PDS5A: variants seen among roughly 807,000 people sequenced by gnomAD.
PDS5A encodes PDS5 cohesin associated factor A.
PDS5A carries 42 observed loss-of-function variants against 167.1 expected under a neutral mutation model. That is an observed-to-expected ratio of 0.25 (90% CI 0.20 to 0.33). PDS5A has a LOEUF of 0.33. Ranked by LOEUF, PDS5A falls within the 10% of genes least tolerant of loss-of-function variation. The pLI is 1.00. For synonymous variants in PDS5A, 553 were observed against 554.6 expected (o/e 1.00, Z 0.04); for missense variants, 1,033 against 1,605.9 (o/e 0.64, Z 6.10).
chr4:39,825,574 T>C, intron 32 of PDS5A, 86 bp from the exon 33 acceptor site: 1 of 1,036,326 alleles, frequency 9.6e-7, no homozygotes, highest in Non-Finnish European at 1.4e-6. Context: ...CCATAGTTGT[T>C]ATCTAAAATC....
chr4:39,861,743 T>C (rs1719021257), intron 26 of PDS5A, among the ~76,000 whole-genome samples: 1 of 152,336 alleles, frequency 6.6e-6, no homozygotes, highest in South Asian at 2.1e-4. Context: ...ACACATTGTA[T>C]GCATGTACCA....
At chr4:39,930,246 A>AAAAAAAAAAAAAAAAAAAAAATTTTT in intron 2 of PDS5A, among the ~76,000 whole-genome samples, 1 of 93,090 alleles carries the variant, frequency 1.1e-5, no homozygotes, top group Non-Finnish European at 2.2e-5. Flanking sequence ...AAAAAAAAAA[A>AAAAAAAAAAAAAAAAAAAAAATTTTT]GTTTTTTTGT....
intron 2 of PDS5A, among the ~76,000 whole-genome samples, chr4:39,928,866 G>A (rs1725705735): frequency 6.7e-6 from 1 of 148,390 alleles, no homozygotes; most frequent in East Asian, 2.0e-4. Flanking sequence ...TATTAATGCA[G>A]TTGTATTTCT....
chr4:39,933,583 TTAAAA>T (rs1461952892), intron 2 of PDS5A: 3 of 151,898 alleles, frequency 2.0e-5, no homozygotes, highest in South Asian at 2.1e-4. Context: ...TGTTATTAAA[TTAAAA>T]TAAACTGTTT....
At chr4:39,952,235 G>T (rs1728475590) in intron 2 of PDS5A, among the ~76,000 whole-genome samples, 1 of 152,192 alleles carries the variant, frequency 6.6e-6, no homozygotes, top group South Asian at 2.1e-4. Flanking sequence ...GGAGGCCGAG[G>T]CAGGAGAACT....
chr4:39,838,262 C>G (rs1716618384), intron 31 of PDS5A, 54 bp from the exon 32 acceptor site: 2 of 1,222,730 alleles, frequency 1.6e-6, no homozygotes, highest in East Asian at 2.5e-5. Context: ...TATTAATGAT[C>G]TCTATTAGAA....
chr4:39,924,085 G>GC (rs1337005595), intron 5 of PDS5A, among the ~76,000 whole-genome samples: 6 of 152,128 alleles, frequency 3.9e-5, no homozygotes, highest in African/African-American at 1.2e-4. Flanking sequence ...AATGAGGCCT[G>GC]CCCTTTCTTG....
intron 27 of PDS5A, 50 bp downstream of exon 27, chr4:39,849,470 T>C (rs774165079): frequency 6.4e-6 from 5 of 785,022 alleles, no homozygotes; most frequent in Admixed American, 2.5e-5. Context: ...AGTGGGACAA[T>C]ATATTTTTCT....
At position 39,849,437 on chromosome 4, in the gene PDS5A, CCAA is replaced by C; in HGVS notation, c.3219+80_3219+82del. 52 of 537,288 alleles carry C rather than the reference CCAA, an allele frequency of 9.7e-5. No homozygotes were observed. In the African/African-American group the frequency reaches 1.4e-3, roughly 14 times the overall value. 33.3% of individuals were successfully genotyped at this position (537,288 alleles called of 1,614,324 possible). A position where few individuals can be genotyped will look rare whatever the true frequency, so the allele number is the denominator to read the frequency against. ...CTAAAATTTAAATTACTACGTATGG[CCAA>C]AAAAAAAAAAAAAAAACCAAGTGGG... On this transcript the variant is annotated intron_variant, in intron 27 of 32. Transcript: ENST00000303538.
chr4:39,865,825 T>C (rs1719396823), intron 23 of PDS5A, among the ~76,000 whole-genome samples: 1 of 152,180 alleles, frequency 6.6e-6, no homozygotes, highest in African/African-American at 2.4e-5. Context: ...TAAACCTCTG[T>C]CCTCTAAAAC....
At chr4:39,912,013 AT>A (rs2109686531) in intron 9 of PDS5A, among the ~76,000 whole-genome samples, 1 of 152,252 alleles carries the variant, frequency 6.6e-6, no homozygotes, top group African/African-American at 2.4e-5. Context: ...GTAAACAAAA[AT>A]TGTTTAATAA....
chr4:39,951,296 T>C (rs1728329256), intron 2 of PDS5A, among the ~76,000 whole-genome samples: 1 of 152,182 alleles, frequency 6.6e-6, no homozygotes, highest in Admixed American at 6.6e-5. Flanking sequence ...TATTTAGAGA[T>C]GATAATTGCC....
intron 17 of PDS5A, among the ~76,000 whole-genome samples, chr4:39,882,324 T>A (rs1442325557): frequency 6.6e-6 from 1 of 152,212 alleles, no homozygotes; most frequent in Non-Finnish European, 1.5e-5. Context: ...CTGGATATAA[T>A]CCTTTACCAA....
intron 2 of PDS5A, chr4:39,932,341 G>C (rs1403689597): frequency 1.3e-5 from 2 of 153,124 alleles, no homozygotes; most frequent in African/African-American, 4.8e-5. Flanking sequence ...AACAGAGGCT[G>C]TGTATACCAC....
rs199550178 is a variant in PDS5A, at chr4:39,839,225, CTG to C, written c.3658-1019_3658-1018del. Among the ~76,000 whole-genome samples the C allele has an allele frequency of 4.4e-3, 669 of 152,180 alleles. 8 individuals are homozygous for C. Among genetic ancestry groups the C allele is most frequent in the African/African-American group, 0.015 (633 of 41,482 alleles). On this transcript the variant is annotated intron_variant, in intron 31 of 32. Transcript: ENST00000303538. ...CTTGTTACCTGAATCCACTGACATG[CTG>C]TGTTTCAAACACCAAGCAGAAAGAG...
At chr4:39,902,173 A>G (rs1255455669) in intron 13 of PDS5A, among the ~76,000 whole-genome samples, 174 bp downstream of exon 13, 2 of 152,236 alleles carry the variant, frequency 1.3e-5, no homozygotes. Flanking sequence ...AAGCCTACAC[A>G]TATAAGAATA....
At position 39,898,417 on chromosome 4, in the gene PDS5A, C is replaced by A; in HGVS notation, c.1742G>T (p.Cys581Phe). 1.3e-6 allele frequency: 2 copies of A among 1,582,852 alleles called. No homozygotes were observed. Among genetic ancestry groups the A allele is most frequent in the Non-Finnish European group, 1.7e-6 (2 of 1,163,836 alleles). ...SQLELLISPT[C>F]SCKQADICVR... ...ACAAATATCTGCTTGTTTGCAAGAA[C>A]AGGTTGGGCTAATTAATAACTCCAA... is the stretch of plus-strand genomic sequence containing the variant. Residue 581 changes from cysteine (C) to phenylalanine (F), a missense_variant, in exon 16 of 33, where the codon TGT (cysteine) becomes TTT (phenylalanine). Around this residue, in one of 4 missense-constraint regions of PDS5A, gnomAD observed 367 missense variants for 686.7 expected, o/e 0.53. Coordinates refer to ENST00000303538, the MANE Select transcript of PDS5A (RefSeq NM_001100399.2).
intron 17 of PDS5A, among the ~76,000 whole-genome samples, chr4:39,888,237 C>T (rs1390999205): frequency 1.6e-5 from 2 of 126,526 alleles, no homozygotes; most frequent in Non-Finnish European, 3.2e-5. Flanking sequence ...GAGCAAGACT[C>T]CGGCAAAAAA....
At chr4:39,955,317 T>C (rs1037230627) in intron 2 of PDS5A, among the ~76,000 whole-genome samples, 6 of 152,068 alleles carry the variant, frequency 3.9e-5, no homozygotes, top group African/African-American at 2.4e-5. Context: ...TATAGCACTC[T>C]AGGGCCGGGC....
Sources: allele counts gnomAD v4.1 joint callset (sites outside exome capture counted in the v4.1 genomes callset), GRCh38; gene constraint gnomAD v4.1.1; regional missense constraint gnomAD v4.1.1; transcripts MANE v1.5; gene names NCBI Gene and HGNC (gene_info 2026-07-23, HGNC 2026-07-21).